Variants in PRLR observed in about 807,000 individuals in gnomAD.
The protein encoded by PRLR is prolactin receptor.
Under a neutral mutation model 40.2 loss-of-function variants are expected in PRLR, and 13 were observed. The observed-to-expected ratio is 0.32, with a 90% CI of 0.21 to 0.51. The LOEUF (loss-of-function observed/expected upper bound fraction) is 0.51. Ranked by LOEUF, PRLR falls within the 20% of genes least tolerant of loss-of-function variation. PRLR has a pLI of 0.97. For missense variants in PRLR, 656 were observed against 747.3 expected (o/e 0.88, Z 1.42); for synonymous variants, 269 against 278.7 (o/e 0.97, Z 0.35).
chr5:35,198,475 T>G (rs1420243010), intron 1 of PRLR, among the ~76,000 whole-genome samples: 2 of 152,236 alleles, frequency 1.3e-5, no homozygotes, highest in Admixed American at 6.5e-5. Flanking sequence ...TCTGTTTATT[T>G]CATTGACTGG....
chr5:35,098,429 A>G (rs1016369415), intron 2 of PRLR, among the ~76,000 whole-genome samples: 1 of 152,244 alleles, frequency 6.6e-6, no homozygotes, highest in Non-Finnish European at 1.5e-5. Context: ...AGCGGAGAGT[A>G]AATGTTGTTC....
In PRLR at chr5:35,086,244, A is replaced by C; in HGVS notation, c.167T>G (p.Leu56Arg). The C allele has an allele frequency of 1.2e-6, 2 of 1,614,032 alleles. No individual in the cohort carries two copies. The highest frequency in any genetic ancestry group is 1.7e-6 in the Non-Finnish European group (2 of 1,179,958). ...GTAAGTCAGTGAATAATTGGTAGGA[A>C]GTCCTCCATCTGTCCCAGGCCTCCA... is the stretch of plus-strand genomic sequence containing the variant. ...CWWRPGTDGG[L>R]PTNYSLTYHR... Residue 56 changes from leucine to arginine, a missense_variant, in exon 4 of 10, where the codon CTT (leucine) becomes CGT (arginine). This residue lies in a region of PRLR where 180 missense variants were observed against 236.8 expected (regional missense o/e 0.76). Coordinates refer to ENST00000618457, the MANE Select transcript of PRLR (RefSeq NM_000949.7).
At chr5:35,216,581 T>C (rs1776293972) in intron 1 of PRLR, among the ~76,000 whole-genome samples, 2 of 152,164 alleles carry the variant, frequency 1.3e-5, no homozygotes. Context: ...CAAGTGGTCA[T>C]TAGTGTGTGA....
At chr5:35,227,809 C>T (rs892989734) in intron 1 of PRLR, among the ~76,000 whole-genome samples, 1 of 152,140 alleles carries the variant, frequency 6.6e-6, no homozygotes, top group Non-Finnish European at 1.5e-5. Context: ...TGAAGATGGA[C>T]CCAGCCACAA....
At chr5:35,076,057 CA>C (rs1770071234) in intron 5 of PRLR, among the ~76,000 whole-genome samples, 1 of 152,104 alleles carries the variant, frequency 6.6e-6, no homozygotes, top group African/African-American at 2.4e-5. Flanking sequence ...CATCAAAGAC[CA>C]AAGGTAGATA....
At chr5:35,116,245 T>G (rs1773016243) in intron 2 of PRLR, among the ~76,000 whole-genome samples, 1 of 152,170 alleles carries the variant, frequency 6.6e-6, no homozygotes, top group Admixed American at 6.5e-5. Flanking sequence ...TTTAGGGCCT[T>G]GGTTTGCCAA....
intron 1 of PRLR, among the ~76,000 whole-genome samples, chr5:35,172,627 C>G (rs1775034705): frequency 6.6e-6 from 1 of 152,220 alleles, no homozygotes. Context: ...GTAAAGAGTT[C>G]CATTGTCAAG....
At chr5:35,172,154 G>T (rs761058773) in intron 1 of PRLR, among the ~76,000 whole-genome samples, 5 of 152,212 alleles carry the variant, frequency 3.3e-5, no homozygotes, top group African/African-American at 1.2e-4. Context: ...CATCTTAAAT[G>T]CTGAAAGCAG....
intron 1 of PRLR, among the ~76,000 whole-genome samples, chr5:35,196,700 T>G (rs1035501764): frequency 1.3e-5 from 2 of 152,200 alleles, no homozygotes; most frequent in African/African-American, 2.4e-5. Flanking sequence ...GTTTGCAAAC[T>G]GGGCTAGGTG....
chr5:35,112,712 C>T (rs978341789), intron 2 of PRLR, among the ~76,000 whole-genome samples: 1 of 152,176 alleles, frequency 6.6e-6, no homozygotes, highest in Non-Finnish European at 1.5e-5. Context: ...CCTGTGTCTA[C>T]CTGATTTAGT....
At chr5:35,051,533 C>T (rs1768498107), downstream of PRLR, among the ~76,000 whole-genome samples, 2 of 152,166 alleles carry the variant, frequency 1.3e-5, no homozygotes, top group Non-Finnish European at 2.9e-5. Context: ...TTCACTATGA[C>T]TGGGATTGTT....
intron 1 of PRLR, among the ~76,000 whole-genome samples, chr5:35,164,002 GA>G (rs1462151605): frequency 6.6e-6 from 1 of 152,332 alleles, no homozygotes; most frequent in Admixed American, 6.5e-5. Flanking sequence ...TTCATATACT[GA>G]AAACATGTGG....
intron 1 of PRLR, among the ~76,000 whole-genome samples, chr5:35,166,990 G>A (rs1345079961): frequency 6.6e-6 from 1 of 152,042 alleles, no homozygotes; most frequent in Non-Finnish European, 1.5e-5. Flanking sequence ...AGTTCAATTG[G>A]CCTGACATTC....
chr5:35,106,155 C>A (rs1391210947), intron 2 of PRLR, among the ~76,000 whole-genome samples: 1 of 152,118 alleles, frequency 6.6e-6, no homozygotes, highest in Non-Finnish European at 1.5e-5. Flanking sequence ...GAAATAAAAT[C>A]CTTTACAGAC....
chr5:35,162,079 A>G (rs1409123049), intron 1 of PRLR, among the ~76,000 whole-genome samples: 2 of 152,318 alleles, frequency 1.3e-5, no homozygotes, highest in Non-Finnish European at 1.5e-5. Flanking sequence ...CGCTTTTCCA[A>G]TGAGTCCTGT....
chr5:35,078,032 A>G (rs1770234049), intron 5 of PRLR, among the ~76,000 whole-genome samples: 1 of 152,206 alleles, frequency 6.6e-6, no homozygotes, highest in Non-Finnish European at 1.5e-5. Flanking sequence ...ACATACCAGA[A>G]TCTCTGGGAC....
At chr5:35,109,099 A>G (rs1239982017) in intron 2 of PRLR, among the ~76,000 whole-genome samples, 2 of 152,238 alleles carry the variant, frequency 1.3e-5, no homozygotes, top group Non-Finnish European at 2.9e-5. Context: ...CAAACCTGAC[A>G]AAAACAAGAA....
intron 1 of PRLR, among the ~76,000 whole-genome samples, chr5:35,137,199 A>G (rs1773885175): frequency 6.6e-6 from 1 of 152,232 alleles, no homozygotes; most frequent in Admixed American, 6.5e-5. Flanking sequence ...ACTCACAAAG[A>G]AAACAAGGCT....
chr5:35,141,252 C>A (rs74497408), intron 1 of PRLR, among the ~76,000 whole-genome samples: 12,690 of 149,830 alleles, frequency 0.085, 738 homozygotes, highest in African/African-American at 0.16. Flanking sequence ...AAAAAACAAA[C>A]CCCTAATGTG....
Sources: allele counts gnomAD v4.1 joint callset (sites outside exome capture counted in the v4.1 genomes callset), GRCh38; gene constraint gnomAD v4.1.1; regional missense constraint gnomAD v4.1.1; transcripts MANE v1.5; gene names NCBI Gene and HGNC (gene_info 2026-07-23, HGNC 2026-07-21).